SNAP29: variants seen among roughly 807,000 people sequenced by gnomAD.
SNAP29 encodes synaptosomal-associated protein 29.
SNAP29 carries 13 observed loss-of-function variants against 27.9 expected under a neutral mutation model. The ratio of observed to expected loss-of-function variants is 0.47; its 90% confidence interval spans 0.30 to 0.74. The LOEUF (loss-of-function observed/expected upper bound fraction) is 0.74, where lower values mean the gene tolerates loss of function less well. Ranked by LOEUF, SNAP29 falls within the 30% of genes least tolerant of loss-of-function variation. SNAP29 has a pLI of 0.06. For missense variants in SNAP29, 368 were observed against 336.5 expected, an observed-to-expected ratio of 1.09 and a Z score of -0.73; for synonymous variants, 119 against 127.1, an observed-to-expected ratio of 0.94 and a Z score of 0.43.
At chr22:20,878,146 C>G (rs1928792301) in intron 2 of SNAP29, among the ~76,000 whole-genome samples, 1 of 152,140 alleles carries the variant, frequency 6.6e-6, no homozygotes, top group Non-Finnish European at 1.5e-5. Context: ...AGGTGCTTGC[C>G]AGTATTGCTT....
At chr22:20,876,735 A>AC (rs1555914413) in intron 2 of SNAP29, among the ~76,000 whole-genome samples, 1 of 151,468 alleles carries the variant, frequency 6.6e-6, no homozygotes, top group African/African-American at 2.4e-5. Context: ...GCCCGGCTAA[A>AC]TTTTTTTTGT....
At chr22:20,878,144 G>A (rs1928792181) in intron 2 of SNAP29, among the ~76,000 whole-genome samples, 1 of 152,214 alleles carries the variant, frequency 6.6e-6, no homozygotes, top group Non-Finnish European at 1.5e-5. Context: ...AGAGGTGCTT[G>A]CCAGTATTGC....
chr22:20,870,372 A>G lies in SNAP29; in HGVS notation c.273A>G (p.Thr91=), dbSNP rs1197909873. The G allele has an allele frequency of 1.2e-6, 2 of 1,614,042 alleles. No homozygotes were observed. The highest frequency in any genetic ancestry group is 2.7e-5 in the African/African-American group (2 of 74,916). ...GTCAGCGAGGAGTCCTGGAGCGCAC[A>G]GAGAAGATGGTGGACAAGATGGACC... is the stretch of plus-strand genomic sequence containing the variant. ...LARQRGVLER[T]EKMVDKMDQD... Residue 91 remains threonine (T), a synonymous_variant, in exon 2 of 5, where the codon ACA becomes ACG. Transcript: ENST00000215730.
intron 1 of SNAP29, among the ~76,000 whole-genome samples, chr22:20,860,473 G>C (rs1327791568): frequency 1.3e-5 from 2 of 149,010 alleles, no homozygotes; most frequent in Non-Finnish European, 3.0e-5. Flanking sequence ...GGATTCAGAC[G>C]ATTCTCCTGC....
rs996180647 is a variant in SNAP29 at position 20,860,455 on chromosome 22, C to T, written c.237+1108C>T. ...CATGATCTGGGCTCACTGCAACTTCCGCCTCCGGGATTCAGACGATTCTCC... is the reference window on the plus strand; with the variant it reads ...CATGATCTGGGCTCACTGCAACTTCTGCCTCCGGGATTCAGACGATTCTCC... On this transcript the variant is annotated intron_variant, in intron 1 of 4. Coordinates refer to ENST00000215730, the MANE Select transcript of SNAP29 (RefSeq NM_004782.4). Among the ~76,000 whole-genome samples, 6 of 151,114 alleles carry T rather than the reference C, an allele frequency of 4.0e-5. No homozygotes were observed. In the South Asian group the frequency reaches 1.0e-3, roughly 26 times the overall value.
In SNAP29 at chr22:20,887,897, C is replaced by G. The variant is rs539155980; in HGVS notation, c.*61C>G. The G allele has an allele frequency of 2.0e-3, 2,941 of 1,498,794 alleles. 6 individuals carry two copies. The highest frequency in any genetic ancestry group is 2.6e-3 in the Non-Finnish European group (2,787 of 1,078,186). The allele number at this position is 1,498,794 out of a possible 1,614,324, so 92.8% of individuals were successfully genotyped here. ...ATTTGAAAGATCTTTTTTTGAACTTCCAAGAAATTTCATTTACTATTTTAG... is the reference window on the plus strand; with the variant it reads ...ATTTGAAAGATCTTTTTTTGAACTTGCAAGAAATTTCATTTACTATTTTAG... On this transcript the variant is annotated 3_prime_UTR_variant, in exon 5 of 5. Transcript: ENST00000215730.
rs758462250 is a variant in SNAP29 at position 20,870,353 on chromosome 22, G to A, written c.254G>A (p.Arg85Gln). 2.0e-5 allele frequency: 33 copies of A among 1,613,912 alleles called. No homozygotes were observed. The highest frequency in any genetic ancestry group is 2.2e-5 in the East Asian group (1 of 44,880). ...VASSEELARQ[R>Q]GVLERTEKMV... ...TTTCCCCAGGAGCTCGCCCGTCAGC[G>A]AGGAGTCCTGGAGCGCACAGAGAAG... Residue 85 changes from arginine to glutamine, a missense_variant, in exon 2 of 5, where the codon CGA becomes CAA. Coordinates refer to ENST00000215730, the MANE Select transcript of SNAP29 (RefSeq NM_004782.4).
intron 1 of SNAP29, 133 bp from the exon 2 acceptor site, chr22:20,870,204 C>T: frequency 1.3e-6 from 1 of 759,190 alleles, no homozygotes; most frequent in South Asian, 1.4e-5. Flanking sequence ...GTAGTGTGCC[C>T]CTCACAGATG....
At chr22:20,877,665 G>A (rs536617945) in intron 2 of SNAP29, among the ~76,000 whole-genome samples, 46 of 152,218 alleles carry the variant, frequency 3.0e-4, no homozygotes, top group African/African-American at 1.1e-3. Context: ...GCAGTGAGCC[G>A]AGGTCATGCC....
At chr22:20,867,540 C>T (rs930261588) in intron 1 of SNAP29, among the ~76,000 whole-genome samples, 12 of 152,182 alleles carry the variant, frequency 7.9e-5, no homozygotes, top group African/African-American at 2.9e-4. Context: ...CCTCTGCCTT[C>T]TGGGGGTGGA....
At chr22:20,885,793 T>G (rs981488999) in intron 4 of SNAP29, among the ~76,000 whole-genome samples, 12 of 152,202 alleles carry the variant, frequency 7.9e-5, no homozygotes, top group African/African-American at 2.9e-4. Context: ...AGCTCAGCCC[T>G]CTGGCCCTGC....
intron 2 of SNAP29, among the ~76,000 whole-genome samples, chr22:20,875,418 T>C (rs1928715568): frequency 6.6e-6 from 1 of 152,208 alleles, no homozygotes; most frequent in African/African-American, 2.4e-5. Context: ...GAGCAGAAGC[T>C]GCAGGAATGC....
intron 3 of SNAP29, among the ~76,000 whole-genome samples, chr22:20,883,095 G>A (rs1451879749): frequency 2.6e-5 from 4 of 151,506 alleles, no homozygotes; most frequent in South Asian, 2.1e-4. Context: ...TTTATGTAAC[G>A]TAACAATTTG....
chr22:20,887,733 C>T lies in SNAP29; in HGVS notation c.674C>T (p.Thr225Ile), dbSNP rs747070401. Residue 225 changes from threonine (T) to isoleucine (I), a missense_variant, in exon 5 of 5, where the codon ACA (threonine) becomes ATA (isoleucine). Thr to Ile is a moderately conservative substitution (Grantham distance 89). Coordinates refer to ENST00000215730, the MANE Select transcript of SNAP29 (RefSeq NM_004782.4). ...AAGGACATAGCCCTGGGGATGCAGA[C>T]AGAAATTGAGGAGCAAGATGACATT... is the stretch of plus-strand genomic sequence containing the variant. The part of the protein sequence containing the change: ...RLKDIALGMQ[T>I]EIEEQDDILD... 5.0e-6 allele frequency: 8 copies of T among 1,614,108 alleles called. No individual in the cohort carries two copies. The South Asian group carries it at 7.7e-5, about 16-fold the overall frequency.
intron 4 of SNAP29, among the ~76,000 whole-genome samples, chr22:20,887,341 G>A (rs973078621): frequency 2.6e-5 from 4 of 151,896 alleles, no homozygotes; most frequent in Admixed American, 2.6e-4. Context: ...CAAGTAAGAA[G>A]GCTTACAAAG....
Position 20,888,911 on chromosome 22 carries a change from A to G in SNAP29, c.*1075A>G, listed in dbSNP as rs577744141. On this transcript the variant is annotated 3_prime_UTR_variant, in exon 5 of 5. Coordinates refer to ENST00000215730, the MANE Select transcript of SNAP29 (RefSeq NM_004782.4). ...TCTATAAATGACGCTGACTTTGTAT[A>G]GAAGGATTTTGCTAAGGGGGCAAAA... The G allele has an allele frequency of 6.6e-6, 1 of 152,338 alleles. No homozygotes were observed. The highest frequency in any genetic ancestry group is 2.4e-5 in the African/African-American group (1 of 41,580). The allele number at this position is 152,338 out of a possible 1,614,324, so 9.4% of individuals were successfully genotyped here.
In SNAP29 at chr22:20,859,078, T is replaced by C. The variant is rs1305952052; in HGVS notation, c.-33T>C. On this transcript the variant is annotated 5_prime_UTR_variant, in exon 1 of 5. Transcript: ENST00000215730. Reference sequence around the variant, plus strand: ...CGGCGGCGGCAGTGGGGCTCCTCCTTCTGTTTCCCAGACCGAGAGCCGCGC... The same window carrying C: ...CGGCGGCGGCAGTGGGGCTCCTCCTCCTGTTTCCCAGACCGAGAGCCGCGC... 6 of 1,546,158 alleles carry C rather than the reference T, an allele frequency of 3.9e-6. No individual in the cohort carries two copies. Among genetic ancestry groups the C allele is most frequent in the Middle Eastern group, 1.7e-4 (1 of 5,940 alleles).
intron 2 of SNAP29, among the ~76,000 whole-genome samples, chr22:20,880,235 T>A (rs950674891): frequency 1.3e-5 from 2 of 152,092 alleles, no homozygotes; most frequent in African/African-American, 4.8e-5. Context: ...CAGTGGCTCA[T>A]GTCTGTAATC....
At chr22:20,863,357 AT>A (rs1928378047) in intron 1 of SNAP29, among the ~76,000 whole-genome samples, 2 of 152,232 alleles carry the variant, frequency 1.3e-5, no homozygotes, top group Non-Finnish European at 2.9e-5. Flanking sequence ...CACATGACAG[AT>A]TTATGTCAAA....
Sources: allele counts gnomAD v4.1 joint callset (sites outside exome capture counted in the v4.1 genomes callset), GRCh38; gene constraint gnomAD v4.1.1; transcripts MANE v1.5; gene names NCBI Gene and HGNC (gene_info 2026-07-23, HGNC 2026-07-21).